KCNT2: variants seen among roughly 807,000 people sequenced by gnomAD.
The protein encoded by KCNT2 is potassium channel subfamily T member 2.
In KCNT2, 67 loss-of-function variants were observed where a neutral mutation model predicts 153.8. That is an observed-to-expected ratio of 0.44 (90% CI 0.36 to 0.53). The LOEUF (loss-of-function observed/expected upper bound fraction) is 0.53. Ranked by LOEUF, KCNT2 falls within the 20% of genes least tolerant of loss-of-function variation. The pLI is 0.00. For synonymous variants in KCNT2, 500 were observed against 458.8 expected (o/e 1.09, Z -1.15); for missense variants, 975 against 1,354.8 (o/e 0.72, Z 4.40).
intron 14 of KCNT2, among the ~76,000 whole-genome samples, chr1:196,357,442 C>T (rs1667263872): frequency 6.6e-6 from 1 of 151,916 alleles, no homozygotes; most frequent in African/African-American, 2.4e-5. Flanking sequence ...AAAACAGATG[C>T]ATTCCATTTG....
At chr1:196,482,525 TTA>T in intron 3 of KCNT2, 146 bp from the exon 4 acceptor site, 1 of 518,292 alleles carries the variant, frequency 1.9e-6, no homozygotes, top group Non-Finnish European at 3.4e-6. Context: ...CGTTGTTGCC[TTA>T]GTTTTCTTTT....
rs546747269 is a variant in KCNT2 at position 196,463,477 on chromosome 1, T to C, written c.638+1816A>G. On this transcript the variant is annotated intron_variant, in intron 8 of 27. Coordinates refer to ENST00000294725, the MANE Select transcript of KCNT2 (RefSeq NM_198503.5). Reference sequence around the variant, plus strand: ...TGATACATGTGATTAAACAATAAAATTGTATGTAGTTAAACTTAATGTTAT... The same window carrying C: ...TGATACATGTGATTAAACAATAAAACTGTATGTAGTTAAACTTAATGTTAT... 3.3e-5 allele frequency among the ~76,000 whole-genome samples: 5 copies of C among 151,822 alleles called. No individual in the cohort carries two copies. In the East Asian group the frequency reaches 7.8e-4, roughly 24 times the overall value.
At chr1:196,381,763 T>A (rs533417379) in intron 13 of KCNT2, among the ~76,000 whole-genome samples, 2 of 152,194 alleles carry the variant, frequency 1.3e-5, no homozygotes, top group South Asian at 4.1e-4. Flanking sequence ...AACTGATGAC[T>A]GAGAAAACAC....
chr1:196,233,868 A>G (rs1654176319), intron 27 of KCNT2, among the ~76,000 whole-genome samples: 1 of 151,428 alleles, frequency 6.6e-6, no homozygotes, highest in Admixed American at 6.6e-5. Flanking sequence ...TCTCATGGAG[A>G]TAGTAGGCAG....
intron 25 of KCNT2, among the ~76,000 whole-genome samples, chr1:196,260,610 G>A (rs986047777): frequency 1.3e-5 from 2 of 151,582 alleles, no homozygotes; most frequent in African/African-American, 2.4e-5. Context: ...AAAAAGAAAT[G>A]AGAAGAATTT....
chr1:196,247,557 G>A (rs2102283296), intron 26 of KCNT2, among the ~76,000 whole-genome samples: 1 of 152,266 alleles, frequency 6.6e-6, no homozygotes, highest in South Asian at 2.1e-4. Context: ...AAGGCCTCAG[G>A]AAACTTACAA....
At chr1:196,561,750 A>G (rs1011846636) in intron 1 of KCNT2, among the ~76,000 whole-genome samples, 6 of 151,066 alleles carry the variant, frequency 4.0e-5, no homozygotes, top group Non-Finnish European at 7.4e-5. Context: ...ACACGTGTCC[A>G]AAGCGGTTGG....
At chr1:196,446,637 T>C (rs1030832320) in intron 8 of KCNT2, among the ~76,000 whole-genome samples, 6 of 151,542 alleles carry the variant, frequency 4.0e-5, no homozygotes, top group Non-Finnish European at 8.9e-5. Flanking sequence ...AAATTAGACA[T>C]ATCTTCATTT....
At chr1:196,264,725 C>T (rs1657368002) in intron 25 of KCNT2, among the ~76,000 whole-genome samples, 1 of 152,116 alleles carries the variant, frequency 6.6e-6, no homozygotes, top group Non-Finnish European at 1.5e-5. Context: ...CTCCACCTCC[C>T]AGCTCAAGCA....
At chr1:196,523,690 C>T (rs1196015649) in intron 1 of KCNT2, among the ~76,000 whole-genome samples, 1 of 152,160 alleles carries the variant, frequency 6.6e-6, no homozygotes, top group East Asian at 1.9e-4. Flanking sequence ...TAGAGCCATG[C>T]ATCTACCTTT....
rs1214083159 is a variant in KCNT2 at position 196,596,054 on chromosome 1, GTGTATA to G, written c.95+12155_95+12160del. Among the ~76,000 whole-genome samples, 174 of 138,506 alleles carry G rather than the reference GTGTATA, an allele frequency of 1.3e-3. 7 individuals are homozygous for G. Among genetic ancestry groups the G allele is most frequent in the African/African-American group, 5.3e-3 (161 of 30,382 alleles). The allele number at this position is 138,506 out of a possible 152,430, so 90.9% of individuals were successfully genotyped here. A position where few individuals can be genotyped will look rare whatever the true frequency, so the allele number is the denominator to read the frequency against. ...TTATGGCTGAGTTGTATTCCATGAT[GTGTATA>G]TATATATATATATATATATATATAT... On this transcript the variant is annotated intron_variant, in intron 1 of 27. Coordinates refer to ENST00000294725, the MANE Select transcript of KCNT2 (RefSeq NM_198503.5).
intron 22 of KCNT2, among the ~76,000 whole-genome samples, chr1:196,297,529 TAGAC>T (rs1464255535): frequency 6.6e-6 from 1 of 152,168 alleles, no homozygotes; most frequent in Non-Finnish European, 1.5e-5. Flanking sequence ...ATATTATTAA[TAGAC>T]AAATTTATAC....
At chr1:196,330,597 T>C (rs531089513) in intron 18 of KCNT2, among the ~76,000 whole-genome samples, 3 of 152,100 alleles carry the variant, frequency 2.0e-5, no homozygotes, top group Admixed American at 6.5e-5. Flanking sequence ...AATGGTTATA[T>C]TGTGAAAAAA....
intron 26 of KCNT2, among the ~76,000 whole-genome samples, chr1:196,253,708 A>G (rs1456859479): frequency 6.6e-6 from 1 of 151,554 alleles, no homozygotes; most frequent in Admixed American, 6.6e-5. Context: ...ATGATGGTCA[A>G]AATCAGAAGT....
chr1:196,295,488 A>C (rs546577872), intron 22 of KCNT2, among the ~76,000 whole-genome samples: 1 of 151,708 alleles, frequency 6.6e-6, no homozygotes, highest in Non-Finnish European at 1.5e-5. Context: ...AAAAAAAAAA[A>C]CATTGTAAAA....
intron 3 of KCNT2, among the ~76,000 whole-genome samples, chr1:196,484,709 A>G (rs555263863): frequency 7.2e-4 from 109 of 151,900 alleles, no homozygotes; most frequent in Admixed American, 1.4e-3. Context: ...TGTATAAGGT[A>G]TAAGGAAGGG....
At chr1:196,407,918 T>C (rs1266151113) in intron 12 of KCNT2, among the ~76,000 whole-genome samples, 1 of 151,398 alleles carries the variant, frequency 6.6e-6, no homozygotes, top group Non-Finnish European at 1.5e-5. Flanking sequence ...TCAAAGTTTC[T>C]CCCCTCAGTG....
chr1:196,521,429 C>A (rs1279221189), intron 1 of KCNT2, among the ~76,000 whole-genome samples: 1 of 152,120 alleles, frequency 6.6e-6, no homozygotes, highest in Admixed American at 6.6e-5. Context: ...CCATTTGACC[C>A]AACAATCCCA....
intron 13 of KCNT2, among the ~76,000 whole-genome samples, chr1:196,391,880 A>G (rs1324005627): frequency 1.3e-5 from 2 of 151,424 alleles, no homozygotes; most frequent in Admixed American, 6.6e-5. Flanking sequence ...ATTTTTACAA[A>G]GAAATAAAAA....
Sources: allele counts gnomAD v4.1 joint callset (sites outside exome capture counted in the v4.1 genomes callset), GRCh38; gene constraint gnomAD v4.1.1; transcripts MANE v1.5; gene names NCBI Gene and HGNC (gene_info 2026-07-23, HGNC 2026-07-21).